METTL8: variants seen among roughly 807,000 people sequenced by gnomAD.
METTL8 encodes tRNA N(3)-cytidine methyltransferase METTL8, mitochondrial.
METTL8 carries 32 observed loss-of-function variants against 48.7 expected under a neutral mutation model. That is an observed-to-expected ratio of 0.66 (90% CI 0.50 to 0.88). METTL8 has a LOEUF of 0.88. METTL8 is among the 40% of genes least tolerant of loss of function. METTL8 has a pLI of 0.00. For missense variants in METTL8, 464 were observed against 474.4 expected (o/e 0.98, Z 0.20); for synonymous variants, 136 against 157.1 (o/e 0.87, Z 1.01).
intron 1 of METTL8, among the ~76,000 whole-genome samples, chr2:171,406,205 T>C (rs537406156): frequency 6.6e-6 from 1 of 152,210 alleles, no homozygotes; most frequent in African/African-American, 2.4e-5. Flanking sequence ...GAAGTGGGCA[T>C]GTGGCCAAAC....
chr2:171,365,002 G>T (rs13023417), intron 2 of METTL8, among the ~76,000 whole-genome samples: 44,580 of 151,944 alleles, frequency 0.29, 6,872 homozygotes, highest in African/African-American at 0.35. Context: ...AGCCTAAAAC[G>T]ATTTCAATAA....
At chr2:171,434,255 G>A (rs754795856), upstream of METTL8, 9 of 504,942 alleles carry the variant, frequency 1.8e-5, no homozygotes, top group Admixed American at 1.8e-4. Flanking sequence ...CGAGGCACTA[G>A]GAACTACATT....
chr2:171,350,217 C>G (rs1212923882), intron 3 of METTL8, among the ~76,000 whole-genome samples: 1 of 152,120 alleles, frequency 6.6e-6, no homozygotes, highest in Non-Finnish European at 1.5e-5. Context: ...GTGGTGTTTG[C>G]TTTTCTGTCC....
chr2:171,338,784 G>A (rs1214578857), intron 4 of METTL8, among the ~76,000 whole-genome samples: 1 of 151,832 alleles, frequency 6.6e-6, no homozygotes, highest in Non-Finnish European at 1.5e-5. Flanking sequence ...AGAAAGACAG[G>A]GTTTAGTTTT....
At chr2:171,345,432 G>C (rs943311154) in intron 3 of METTL8, among the ~76,000 whole-genome samples, 5 of 152,106 alleles carry the variant, frequency 3.3e-5, no homozygotes, top group Non-Finnish European at 7.4e-5. Flanking sequence ...AGCTCTCAAA[G>C]TTGGAAATTT....
Position 171,316,677 on chromosome 2 carries a change from TA to T in METTL8, c.*7494del, listed in dbSNP as rs908878480. Among the ~76,000 whole-genome samples the T allele has an allele frequency of 3.3e-5, 5 of 152,144 alleles. No homozygotes were observed. In the East Asian group the frequency reaches 9.6e-4, roughly 29 times the overall value. On this transcript the variant is annotated 3_prime_UTR_variant, in exon 10 of 10. Coordinates refer to ENST00000375258, the MANE Select transcript of METTL8 (RefSeq NM_001321154.2). ...CTTTCATTTGGATTAAAAAGAAACT[TA>T]AAAAATATCTTGTAGAAAGTCAAAG... is the stretch of plus-strand genomic sequence containing the variant.
chr2:171,379,231 C>G (rs1687274074), intron 2 of METTL8, among the ~76,000 whole-genome samples: 1 of 152,088 alleles, frequency 6.6e-6, no homozygotes, highest in Non-Finnish European at 1.5e-5. Flanking sequence ...AGACAATGTA[C>G]CAGAATTTCT....
chr2:171,378,536 G>A (rs1241661776), intron 2 of METTL8, among the ~76,000 whole-genome samples: 3 of 152,114 alleles, frequency 2.0e-5, no homozygotes, highest in Non-Finnish European at 4.4e-5. Context: ...GGAAGCTGAG[G>A]CAGAAGAATT....
intron 2 of METTL8, among the ~76,000 whole-genome samples, chr2:171,379,512 C>T (rs1056658847): frequency 1.3e-5 from 2 of 148,390 alleles, no homozygotes; most frequent in Admixed American, 1.3e-4. Flanking sequence ...AGATAGACTG[C>T]TAACTAGACT....
At chr2:171,333,047 T>C (rs1685707799) in intron 5 of METTL8, among the ~76,000 whole-genome samples, 1 of 152,032 alleles carries the variant, frequency 6.6e-6, no homozygotes, top group African/African-American at 2.4e-5. Flanking sequence ...TAAATAAATA[T>C]GCATTTAGCA....
chr2:171,366,219 G>T (rs1685703162), intron 2 of METTL8, among the ~76,000 whole-genome samples: 1 of 152,170 alleles, frequency 6.6e-6, no homozygotes, highest in Non-Finnish European at 1.5e-5. Flanking sequence ...TGACATTGGA[G>T]TTCTGGCTAA....
chr2:171,433,934 C>T lies in METTL8; in HGVS notation c.-64G>A, dbSNP rs1290665661. The T allele has an allele frequency of 1.1e-5, 2 of 190,106 alleles. No homozygotes were observed. Among genetic ancestry groups the T allele is most frequent in the Admixed American group, 6.0e-5 (1 of 16,744 alleles). The allele number at this position is 190,106 out of a possible 1,614,324, so 11.8% of individuals were successfully genotyped here. A position where few individuals can be genotyped will look rare whatever the true frequency, so the allele number is the denominator to read the frequency against. On this transcript the variant is annotated 5_prime_UTR_variant, in exon 1 of 10. Transcript: ENST00000375258. The stretch of plus-strand genomic sequence containing the variant: ...GGATCGCCCTCGACACAGCGCCCCT[C>T]CCGGCACCTGGCCAGAACCTCCCAG...
At chr2:171,358,917 C>A (rs77292043) in intron 3 of METTL8, among the ~76,000 whole-genome samples, 239 of 152,050 alleles carry the variant, frequency 1.6e-3, no homozygotes, top group African/African-American at 5.4e-3. Context: ...TGCAAACTAC[C>A]CATTTGACAA....
upstream of METTL8, chr2:171,434,414 C>G (rs1447239824): frequency 8.0e-7 from 1 of 1,250,728 alleles, no homozygotes; most frequent in East Asian, 2.6e-5. Flanking sequence ...TTCCCTCGCC[C>G]CGCCGTCGGG....
chr2:171,412,901 A>G (rs138387344), intron 1 of METTL8, among the ~76,000 whole-genome samples: 2 of 152,374 alleles, frequency 1.3e-5, no homozygotes, highest in East Asian at 3.9e-4. Flanking sequence ...TTAAGCAAAA[A>G]TTAGAATTCT....
At chr2:171,405,817 C>A (rs543808623) in intron 1 of METTL8, among the ~76,000 whole-genome samples, 1 of 152,180 alleles carries the variant, frequency 6.6e-6, no homozygotes, top group Admixed American at 6.5e-5. Flanking sequence ...AGAGTAAGAA[C>A]AGGTGAGTTT....
chr2:171,350,428 T>A (rs573913361), intron 3 of METTL8, among the ~76,000 whole-genome samples: 102 of 152,354 alleles, frequency 6.7e-4, no homozygotes, highest in African/African-American at 2.2e-3. Context: ...AACATACGTG[T>A]GCATGTGTCT....
chr2:171,414,060 A>T (rs1691026746), intron 1 of METTL8, among the ~76,000 whole-genome samples: 1 of 152,246 alleles, frequency 6.6e-6, no homozygotes, highest in African/African-American at 2.4e-5. Flanking sequence ...TACAAATATT[A>T]ATTTTTAGAA....
chr2:171,325,960 C>T, intron 8 of METTL8, 54 bp from the exon 9 acceptor site: 2 of 1,365,722 alleles, frequency 1.5e-6, no homozygotes, highest in South Asian at 1.3e-5. Flanking sequence ...TAAAAAAAAA[C>T]AACTAAATAC....
Sources: allele counts gnomAD v4.1 joint callset (sites outside exome capture counted in the v4.1 genomes callset), GRCh38; gene constraint gnomAD v4.1.1; transcripts MANE v1.5; gene names NCBI Gene and HGNC (gene_info 2026-07-23, HGNC 2026-07-21).